The following PLD5 variants were observed in gnomAD, a reference collection of about 807,000 sequenced individuals.
PLD5 encodes phospholipase D family member 5, also known as inactive phospholipase D5.
A neutral mutation model predicts 61.1 loss-of-function variants in PLD5; 36 were observed. That is an observed-to-expected ratio of 0.59 (90% CI 0.45 to 0.78). PLD5 has a LOEUF of 0.78. Among genes scored for constraint, PLD5 ranks in the 30% least tolerant of loss-of-function variants. The pLI, the probability that PLD5 is intolerant of heterozygous loss-of-function variation, is 0.00. For missense variants in PLD5, 515 were observed against 644.4 expected (o/e 0.80, Z 2.17); for synonymous variants, 243 against 242.8 (o/e 1.00, Z -0.01).
chr1:242,492,441 G>C (rs1668190753), intron 1 of PLD5, among the ~76,000 whole-genome samples: 1 of 150,866 alleles, frequency 6.6e-6, no homozygotes, highest in African/African-American at 2.4e-5. Context: ...ACAATCGCTT[G>C]AGCCCGGGAG....
intron 1 of PLD5, among the ~76,000 whole-genome samples, chr1:242,477,110 C>T (rs1331889939): frequency 1.3e-5 from 2 of 152,018 alleles, no homozygotes; most frequent in African/African-American, 4.8e-5. Flanking sequence ...ATTAGCCAGG[C>T]GTGGTGGTGT....
intron 1 of PLD5, among the ~76,000 whole-genome samples, chr1:242,350,813 AG>A (rs1660431516): frequency 6.6e-6 from 1 of 152,008 alleles, no homozygotes; most frequent in South Asian, 2.1e-4. Flanking sequence ...TCAAACATGA[AG>A]TGATGAAAGC....
intron 5 of PLD5, among the ~76,000 whole-genome samples, chr1:242,148,461 C>G (rs945555330): frequency 6.6e-6 from 1 of 151,374 alleles, no homozygotes; most frequent in Admixed American, 6.6e-5. Flanking sequence ...ATTGTTGTAG[C>G]TGTTCTAATT....
intron 3 of PLD5, among the ~76,000 whole-genome samples, chr1:242,266,294 T>C (rs1673667645): frequency 1.3e-5 from 2 of 152,226 alleles, no homozygotes; most frequent in East Asian, 3.9e-4. Flanking sequence ...GGCAGGAGAA[T>C]TGCTTGAACC....
At position 242,123,902 on chromosome 1, in the gene PLD5, G is replaced by A. The variant is rs369667928; in HGVS notation, c.933+566C>T. Among the ~76,000 whole-genome samples, 81 of 152,288 alleles carry A rather than the reference G, an allele frequency of 5.3e-4. 1 individual carries two copies. In the South Asian group the frequency reaches 0.016, roughly 30 times the overall value. On this transcript the variant is annotated intron_variant, in intron 6 of 9. Transcript: ENST00000536534. ...AGGGTGTGGCTAATGGTTCTTAGCA[G>A]AGTCAGAGGCCCGAAGCTGTGCAAG...
At chr1:242,397,249 G>A (rs1346518455) in intron 1 of PLD5, among the ~76,000 whole-genome samples, 3 of 151,850 alleles carry the variant, frequency 2.0e-5, no homozygotes, top group Non-Finnish European at 2.9e-5. Flanking sequence ...TAGACACCTC[G>A]AACTTTACAT....
intron 2 of PLD5, among the ~76,000 whole-genome samples, chr1:242,325,915 T>C (rs1349871909): frequency 4.6e-5 from 7 of 152,014 alleles, no homozygotes; most frequent in African/African-American, 7.2e-5. Context: ...AGAGTTGGGG[T>C]CTCACTCTGT....
chr1:242,414,568 G>A (rs1338635792), intron 1 of PLD5, among the ~76,000 whole-genome samples: 1 of 152,134 alleles, frequency 6.6e-6, no homozygotes, highest in African/African-American at 2.4e-5. Flanking sequence ...AGTAGCACTG[G>A]GATAGCAGGA....
intron 5 of PLD5, among the ~76,000 whole-genome samples, chr1:242,168,624 A>G (rs1666495930): frequency 6.6e-6 from 1 of 152,190 alleles, no homozygotes; most frequent in Admixed American, 6.5e-5. Context: ...TTTGAGTACC[A>G]CTGATGATAT....
At chr1:242,382,570 C>T (rs1424770052) in intron 1 of PLD5, among the ~76,000 whole-genome samples, 1 of 152,022 alleles carries the variant, frequency 6.6e-6, no homozygotes, top group Admixed American at 6.6e-5. Flanking sequence ...AAGAGAAGTG[C>T]CTAACAGGCT....
the PLD5 span, among the ~76,000 whole-genome samples, chr1:242,530,074 A>T: frequency 6.6e-6 from 1 of 152,106 alleles, no homozygotes; most frequent in African/African-American, 2.4e-5. Flanking sequence ...TTGTATTTTT[A>T]GTAGAGATGG....
At chr1:242,143,679 G>T (rs1243419893) in intron 5 of PLD5, among the ~76,000 whole-genome samples, 1 of 152,132 alleles carries the variant, frequency 6.6e-6, no homozygotes, top group Admixed American at 6.5e-5. Flanking sequence ...GTACATTAAG[G>T]AGTGGGTGAT....
intron 4 of PLD5, among the ~76,000 whole-genome samples, chr1:242,241,520 G>C (rs7543340): frequency 0.24 from 36,477 of 151,874 alleles, 4,671 homozygotes; most frequent in African/African-American, 0.33. Context: ...TCCTAGACTC[G>C]ACAGCATGGT....
intron 5 of PLD5, among the ~76,000 whole-genome samples, chr1:242,137,452 C>T (rs752288269): frequency 1.7e-4 from 26 of 152,156 alleles, no homozygotes; most frequent in Non-Finnish European, 3.4e-4. Context: ...TCCAGATAGT[C>T]GCTACCTGTG....
intron 5 of PLD5, among the ~76,000 whole-genome samples, chr1:242,197,867 C>A (rs1013343753): frequency 6.6e-6 from 1 of 152,138 alleles, no homozygotes; most frequent in South Asian, 2.1e-4. Context: ...CTCCTGACCT[C>A]ATGTGATCTG....
Position 242,207,886 on chromosome 1 carries a change from T to TTA in PLD5, c.735+12100_735+12101dup. Among the ~76,000 whole-genome samples the TTA allele has an allele frequency of 2.0e-4, 5 of 25,352 alleles. 2 individuals are homozygous for TTA. In the Middle Eastern group the frequency reaches 0.052, roughly 262 times the overall value. The allele number at this position is 25,352 out of a possible 152,430, so 16.6% of individuals were successfully genotyped here. On this transcript the variant is annotated intron_variant, in intron 5 of 9. Coordinates refer to ENST00000536534, the MANE Select transcript of PLD5 (RefSeq NM_001372062.1). ...TATATATTTATATATATTTATATATTTATATATATTTATATATTTATATAT... is the reference window on the plus strand; with the variant it reads ...TATATATTTATATATATTTATATATTTATATATATATTTATATATTTATATAT...
At chr1:242,417,409 A>C (rs1203495474) in intron 1 of PLD5, among the ~76,000 whole-genome samples, 1 of 152,184 alleles carries the variant, frequency 6.6e-6, no homozygotes, top group Admixed American at 6.5e-5. Context: ...TTTCCATGGC[A>C]ACAATCTCAC....
intron 5 of PLD5, among the ~76,000 whole-genome samples, chr1:242,170,981 G>A (rs1202177547): frequency 6.6e-6 from 1 of 152,180 alleles, no homozygotes; most frequent in Non-Finnish European, 1.5e-5. Flanking sequence ...ATATTATCCA[G>A]GAGAACTTCC....
At chr1:242,366,799 A>G (rs1385660405) in intron 1 of PLD5, among the ~76,000 whole-genome samples, 1 of 152,182 alleles carries the variant, frequency 6.6e-6, no homozygotes, top group East Asian at 1.9e-4. Context: ...GACATGTTCA[A>G]TAAATATTTG....
Sources: gnomAD v4.1 joint callset for allele counts (sites outside exome capture counted in the v4.1 genomes callset) on GRCh38, gnomAD v4.1.1 for gene constraint, MANE v1.5 for transcripts, NCBI Gene and HGNC (gene_info 2026-07-23, HGNC 2026-07-21) for gene names.